The following GPR19 variants were observed in gnomAD, a reference collection of about 807,000 sequenced individuals.
The protein encoded by GPR19 is G protein-coupled receptor 19.
A neutral mutation model predicts 28.5 loss-of-function variants in GPR19; 14 were observed. The ratio of observed to expected loss-of-function variants is 0.49; its 90% CI spans 0.32 to 0.77. The LOEUF (loss-of-function observed/expected upper bound fraction) is 0.77. GPR19 is among the 30% of genes least tolerant of loss of function. The pLI is 0.03. For missense variants in GPR19, 409 were observed against 504.1 expected (o/e 0.81, Z 1.81); for synonymous variants, 173 against 184.1 (o/e 0.94, Z 0.49).
chr12:12,678,911 G>A (rs190745745), intron 3 of GPR19, among the ~76,000 whole-genome samples: 172 of 152,200 alleles, frequency 1.1e-3, no homozygotes, highest in Non-Finnish European at 2.0e-3. Context: ...ATTCTTGTGC[G>A]TCAGCTTCAT....
the GPR19 span, among the ~76,000 whole-genome samples, chr12:12,710,120 G>A: frequency 6.6e-6 from 1 of 152,200 alleles, no homozygotes; most frequent in African/African-American, 2.4e-5. Flanking sequence ...GGGAGGCCGA[G>A]GTGGGTGGAT....
the GPR19 span, among the ~76,000 whole-genome samples, chr12:12,716,496 T>A: frequency 6.6e-6 from 1 of 152,162 alleles, no homozygotes; most frequent in East Asian, 1.9e-4. Flanking sequence ...GTCCATGGCC[T>A]TAACTGTGCT....
intron 3 of GPR19, among the ~76,000 whole-genome samples, chr12:12,678,363 C>T (rs376463635): frequency 6.6e-6 from 1 of 152,168 alleles, no homozygotes; most frequent in East Asian, 1.9e-4. Context: ...CTGTTTAGGA[C>T]ATAGCAATAT....
chr12:12,677,145 C>T (rs189213231), intron 3 of GPR19, among the ~76,000 whole-genome samples: 95 of 152,204 alleles, frequency 6.2e-4, no homozygotes, highest in African/African-American at 2.2e-3. Flanking sequence ...TGATCTGTAC[C>T]ACTGTCCTCA....
chr12:12,697,153 T>TAAAAAAAAAAAAGAA (rs1946277688), upstream of GPR19, among the ~76,000 whole-genome samples: 1 of 48,846 alleles, frequency 2.0e-5, no homozygotes, highest in Non-Finnish European at 3.6e-5. Flanking sequence ...TGAAGCGAAG[T>TAAAAAAAAAAAAGAA]AAAAAAAAAA....
chr12:12,699,234 C>T (rs905299408), upstream of GPR19, among the ~76,000 whole-genome samples: 13 of 151,930 alleles, frequency 8.6e-5, no homozygotes, highest in East Asian at 2.0e-4. Context: ...CCCAGCTACT[C>T]GGGAGGCTGA....
intron 2 of GPR19, among the ~76,000 whole-genome samples, chr12:12,690,226 T>G (rs2136335402): frequency 6.6e-6 from 1 of 152,362 alleles, no homozygotes; most frequent in Non-Finnish European, 1.5e-5. Context: ...ATAAAGGACC[T>G]ACATTTTCAT....
chr12:12,683,872 A>AC (rs1946056744), intron 3 of GPR19, among the ~76,000 whole-genome samples: 1 of 152,114 alleles, frequency 6.6e-6, no homozygotes, highest in African/African-American at 2.4e-5. Context: ...AATCACAAGC[A>AC]CCCCTGGTTC....
chr12:12,710,369 A>AAC, the GPR19 span, among the ~76,000 whole-genome samples: 1 of 151,420 alleles, frequency 6.6e-6, no homozygotes, highest in Non-Finnish European at 1.5e-5. Context: ...AAAAAAAAAA[A>AAC]ATACCACATG....
At chr12:12,710,748 C>G in the GPR19 span, among the ~76,000 whole-genome samples, 8 of 152,256 alleles carry the variant, frequency 5.3e-5, 1 homozygote, top group Middle Eastern at 6.8e-3. Context: ...GCTATGTAGG[C>G]CAGGCTGGTC....
At chr12:12,685,662 A>G (rs1946087808) in intron 2 of GPR19, among the ~76,000 whole-genome samples, 1 of 152,172 alleles carries the variant, frequency 6.6e-6, no homozygotes, top group South Asian at 2.1e-4. Flanking sequence ...TCGGTCCTAA[A>G]TCTTGAAAGG....
intron 3 of GPR19, among the ~76,000 whole-genome samples, chr12:12,667,006 T>C (rs1945791260): frequency 6.6e-6 from 1 of 152,196 alleles, no homozygotes; most frequent in Non-Finnish European, 1.5e-5. Flanking sequence ...TCTGCCATAT[T>C]ATAACTAAAT....
chr12:12,661,623 T>G lies in GPR19; in HGVS notation c.826A>C (p.Lys276Gln). Residue 276 changes from lysine (K) to glutamine (Q), a missense_variant, in exon 4 of 4, where the codon AAG becomes CAG. Physicochemically the swap from Lys to Gln is moderately conservative, Grantham distance 53. Transcript: ENST00000651487. The surrounding 1 kb of genome is among the most constrained non-coding windows in gnomAD (Gnocchi z 4.2). Reference sequence around the variant, plus strand: ...AACAGATTTAAAATGAGGAACATCTTGATAGTTTTCACTTTTGTCCGAGGG... The same window carrying G: ...AACAGATTTAAAATGAGGAACATCTGGATAGTTTTCACTTTTGTCCGAGGG... ...IVPRTKVKTI[K>Q]MFLILNLLFL... 1 of 1,614,008 alleles carries G rather than the reference T, an allele frequency of 6.2e-7. No homozygotes were observed. The highest frequency in any genetic ancestry group is 1.1e-5 in the South Asian group (1 of 91,076).
At chr12:12,663,649 G>A (rs563814735) in intron 3 of GPR19, among the ~76,000 whole-genome samples, 1 of 152,234 alleles carries the variant, frequency 6.6e-6, no homozygotes, top group South Asian at 2.1e-4. Flanking sequence ...AGATTATAAA[G>A]GCTTAATTTG....
chr12:12,674,853 G>T (rs899817060), intron 3 of GPR19, among the ~76,000 whole-genome samples: 1 of 152,144 alleles, frequency 6.6e-6, no homozygotes, highest in African/African-American at 2.4e-5. Flanking sequence ...GTTGTAGAGG[G>T]GTAGAGAGTA....
At chr12:12,680,577 G>T (rs561045640) in intron 3 of GPR19, among the ~76,000 whole-genome samples, 83 of 152,144 alleles carry the variant, frequency 5.5e-4, no homozygotes, top group South Asian at 1.5e-3. Context: ...AGTGATCACC[G>T]CTCACTGCAC....
chr12:12,717,137 A>G, the GPR19 span: 7 of 1,024,640 alleles, frequency 6.8e-6, no homozygotes, highest in African/African-American at 1.2e-4. Flanking sequence ...AATTTCTCCG[A>G]GGCCAGCCAG....
chr12:12,665,274 C>T (rs1945752501), intron 3 of GPR19, among the ~76,000 whole-genome samples: 1 of 152,304 alleles, frequency 6.6e-6, no homozygotes, highest in East Asian at 1.9e-4. Context: ...GCAAATGAAA[C>T]TCAAGCTCAC....
chr12:12,690,552 A>G (rs1946166829), intron 2 of GPR19, among the ~76,000 whole-genome samples: 1 of 152,138 alleles, frequency 6.6e-6, no homozygotes, highest in South Asian at 2.1e-4. Context: ...ACTGCCTCCA[A>G]TTCTCTCTGT....
Sources: gnomAD v4.1 joint callset for allele counts (sites outside exome capture counted in the v4.1 genomes callset) on GRCh38, gnomAD v4.1.1 for gene constraint, Gnocchi (gnomAD v3.1) non-coding constraint, MANE v1.5 for transcripts, NCBI Gene and HGNC (gene_info 2026-07-23, HGNC 2026-07-21) for gene names.